RELN: variants seen among roughly 807,000 people sequenced by gnomAD.
RELN encodes the protein reelin.
In RELN, 108 loss-of-function variants were observed where a neutral mutation model predicts 427.6. That is an observed-to-expected ratio of 0.25 (90% confidence interval 0.22 to 0.30). RELN has a LOEUF of 0.30. Among genes scored for constraint, RELN ranks in the 10% least tolerant of loss-of-function variants. The pLI, the probability that RELN is intolerant of heterozygous loss-of-function variation, is 1.00. For synonymous variants in RELN, 1,524 were observed against 1,513.4 expected (o/e 1.01, Z -0.16); for missense variants, 3,715 against 4,302.8 (o/e 0.86, Z 3.82).
intron 10 of RELN, among the ~76,000 whole-genome samples, chr7:103,689,020 T>G (rs1034612407): frequency 3.2e-4 from 49 of 152,260 alleles, no homozygotes; most frequent in Middle Eastern, 3.4e-3. Context: ...CCCTTCTAAA[T>G]TCAGTAACTT....
chr7:103,791,316 C>T (rs201402225), intron 3 of RELN, among the ~76,000 whole-genome samples: 49 of 152,240 alleles, frequency 3.2e-4, no homozygotes, highest in Non-Finnish European at 6.3e-4. Flanking sequence ...AAGAAGAAAG[C>T]TGGAGGACTT....
intron 22 of RELN, among the ~76,000 whole-genome samples, chr7:103,607,196 T>C (rs1244769808): frequency 6.6e-6 from 1 of 152,026 alleles, no homozygotes; most frequent in Non-Finnish European, 1.5e-5. Context: ...TATACATATG[T>C]AACAAACCTG....
intron 31 of RELN, among the ~76,000 whole-genome samples, chr7:103,567,836 C>T (rs1830794891): frequency 6.6e-6 from 1 of 151,444 alleles, no homozygotes; most frequent in South Asian, 2.1e-4. Context: ...CACTCTGTCA[C>T]CCATGCTGGA....
rs115542380 is a variant in RELN at position 103,636,282 on chromosome 7, A to G, written c.2256T>C (p.Asp752=). 2 of 1,614,020 alleles carry G rather than the reference A, an allele frequency of 1.2e-6. No individual in the cohort carries two copies. The highest frequency in any genetic ancestry group is 4.5e-5 in the East Asian group (2 of 44,812). The change falls in exon 18 of 65, where the codon GAT becomes GAC. Residue 752 remains aspartate (D), a synonymous_variant. Coordinates refer to ENST00000428762, the MANE Select transcript of RELN (RefSeq NM_005045.4). ...ASGKALVFNK[D]GRRQLITSFL... Reference sequence around the variant, plus strand: ...AAGATGTAATTAGCTGACGCCGCCCATCTTTGTTGAAAACCAGGGCCTTAC... The same window carrying G: ...AAGATGTAATTAGCTGACGCCGCCCGTCTTTGTTGAAAACCAGGGCCTTAC...
At chr7:103,910,252 A>G (rs1228671892) in intron 2 of RELN, among the ~76,000 whole-genome samples, 3 of 141,174 alleles carry the variant, frequency 2.1e-5, no homozygotes, top group African/African-American at 8.2e-5. Context: ...TGATTTTTGT[A>G]CATTGATTTT....
chr7:103,552,265 C>T (rs2117156160), intron 40 of RELN, among the ~76,000 whole-genome samples: 1 of 152,172 alleles, frequency 6.6e-6, no homozygotes, highest in African/African-American at 2.4e-5. Flanking sequence ...AAAAAATTTC[C>T]CCTCTCCAAT....
chr7:103,600,594 C>G (rs1206105514), intron 24 of RELN, among the ~76,000 whole-genome samples: 1 of 152,152 alleles, frequency 6.6e-6, no homozygotes, highest in Non-Finnish European at 1.5e-5. Flanking sequence ...CATTTAAGCC[C>G]TCCTTGTGTT....
intron 10 of RELN, among the ~76,000 whole-genome samples, chr7:103,685,517 G>A (rs1023874363): frequency 1.9e-4 from 29 of 152,058 alleles, no homozygotes; most frequent in African/African-American, 7.0e-4. Flanking sequence ...TATATATCAA[G>A]CTACTAAGCA....
At chr7:103,798,810 T>C (rs1792374285) in intron 3 of RELN, among the ~76,000 whole-genome samples, 1 of 152,152 alleles carries the variant, frequency 6.6e-6, no homozygotes, top group Non-Finnish European at 1.5e-5. Flanking sequence ...CGAACAAATG[T>C]TTTTGTGTTC....
rs1554451147 is a variant in RELN at position 103,975,515 on chromosome 7, GTATT to G, written c.226+13612_226+13615del. Among the ~76,000 whole-genome samples, 556 of 141,834 alleles carry G rather than the reference GTATT, an allele frequency of 3.9e-3. 1 individual carries two copies. Among genetic ancestry groups the G allele is most frequent in the African/African-American group, 7.7e-3 (291 of 38,028 alleles). 93.0% of individuals were successfully genotyped at this position (141,834 alleles called of 152,430 possible). A position where few individuals can be genotyped will look rare whatever the true frequency, so the allele number is the denominator to read the frequency against. On this transcript the variant is annotated intron_variant, in intron 1 of 64. Transcript: ENST00000428762. Reference sequence around the variant, plus strand: ...TATGGGTCCTGGGAAGAATGGAGCAGTATTTATTTATTTATTTATTTATTTATTT... The same window carrying G: ...TATGGGTCCTGGGAAGAATGGAGCAGTATTTATTTATTTATTTATTTATTT...
intron 50 of RELN, among the ~76,000 whole-genome samples, 163 bp downstream of exon 50, chr7:103,515,022 C>T (rs963669019): frequency 6.6e-6 from 1 of 152,056 alleles, no homozygotes; most frequent in Admixed American, 6.5e-5. Context: ...AGTTAAAATG[C>T]CAACTAGGAA....
chr7:103,918,468 T>C (rs947235104), intron 1 of RELN, among the ~76,000 whole-genome samples: 3 of 152,178 alleles, frequency 2.0e-5, no homozygotes, highest in African/African-American at 7.2e-5. Context: ...TCTAAAATGT[T>C]TTGATGCTGT....
chr7:103,504,904 G>A (rs992959475), intron 51 of RELN, among the ~76,000 whole-genome samples: 3 of 152,146 alleles, frequency 2.0e-5, no homozygotes, highest in African/African-American at 7.2e-5. Context: ...AGGGGCGTCT[G>A]CCATTACTGA....
At chr7:103,691,069 T>C (rs1479511970) in intron 10 of RELN, among the ~76,000 whole-genome samples, 1 of 152,160 alleles carries the variant, frequency 6.6e-6, no homozygotes, top group Admixed American at 6.6e-5. Flanking sequence ...GGCCAGGTTC[T>C]ACATTAAAAG....
At chr7:103,517,214 C>T (rs1584257417) in intron 49 of RELN, among the ~76,000 whole-genome samples, 1 of 150,988 alleles carries the variant, frequency 6.6e-6, no homozygotes, top group East Asian at 1.9e-4. Flanking sequence ...GTGAGATGTT[C>T]CTAACATTTA....
rs189632085 is a variant in RELN, at chr7:103,819,619, C to T, written c.473+13918G>A. 4.2e-3 allele frequency among the ~76,000 whole-genome samples: 639 copies of T among 152,168 alleles called. 5 individuals carry two copies. The highest frequency in any genetic ancestry group is 5.1e-3 in the Non-Finnish European group (347 of 67,946). ...TGCTCCAAATGAGCCATTTAGAAAT[C>T]TTCCCTTACTATATATTTGTATGAG... On this transcript the variant is annotated intron_variant, in intron 3 of 64. Coordinates refer to ENST00000428762, the MANE Select transcript of RELN (RefSeq NM_005045.4).
intron 16 of RELN, among the ~76,000 whole-genome samples, chr7:103,643,771 A>T (rs2117370122): frequency 6.6e-6 from 1 of 152,178 alleles, no homozygotes; most frequent in East Asian, 1.9e-4. Context: ...ACTGTTAACC[A>T]TGAATTCTGT....
intron 4 of RELN, among the ~76,000 whole-genome samples, chr7:103,773,100 T>TTCCTTCCTTTCTTTC (rs1791611584): frequency 3.3e-4 from 43 of 128,706 alleles, no homozygotes; most frequent in African/African-American, 1.3e-3. Context: ...GGTTCTCCTC[T>TTCCTTCCTTTCTTTC]TTTCTTTCTT....
intron 36 of RELN, among the ~76,000 whole-genome samples, chr7:103,560,125 CAT>C (rs1830610365): frequency 6.6e-6 from 1 of 152,222 alleles, no homozygotes; most frequent in African/African-American, 2.4e-5. Flanking sequence ...TCTGCTGCCA[CAT>C]ATATTCTAGT....
Sources: gnomAD v4.1 joint callset for allele counts (sites outside exome capture counted in the v4.1 genomes callset) on GRCh38, gnomAD v4.1.1 for gene constraint, MANE v1.5 for transcripts, NCBI Gene and HGNC (gene_info 2026-07-23, HGNC 2026-07-21) for gene names.